Variants in GLRX2 observed in about 807,000 individuals in gnomAD.
GLRX2 encodes glutaredoxin 2, also known as bA101E13.1 (GRX2 glutaredoxin (thioltransferase) 2).
In GLRX2, 12 loss-of-function variants were observed where a neutral mutation model predicts 16.4. The ratio of observed to expected loss-of-function variants is 0.73; its 90% CI spans 0.47 to 1.19. The LOEUF is 1.19. Among genes scored for constraint, GLRX2 ranks in the 50% most tolerant of loss-of-function variants. GLRX2 has a pLI of 0.00. For missense variants in GLRX2, 201 were observed against 201.8 expected, an observed-to-expected ratio of 1.00 and a Z score of 0.02; for synonymous variants, 95 against 76.2, an observed-to-expected ratio of 1.25 and a Z score of -1.28.
At position 193,104,668 on chromosome 1, in the gene GLRX2, G is replaced by A. The variant is rs548496118; in HGVS notation, c.119+596C>T. ...CAGCCGCAGTTCCCTTCCACTGCAG[G>A]TCCCGAAGCCGCTGATATTCCAAAC... On this transcript the variant is annotated intron_variant, in intron 1 of 3. Transcript: ENST00000367439. Among the ~76,000 whole-genome samples, 3 of 152,338 alleles carry A rather than the reference G, an allele frequency of 2.0e-5. No individual in the cohort carries two copies. The South Asian group carries it at 6.2e-4, about 32-fold the overall frequency.
chr1:193,101,245 T>A, intron 1 of GLRX2, 41 bp from the exon 2 acceptor site: 1 of 1,212,486 alleles, frequency 8.2e-7, no homozygotes, highest in Non-Finnish European at 1.2e-6. Context: ...TATTAAGCAT[T>A]AAGGATAATT....
At chr1:193,097,800 T>C (rs1220469046) in intron 2 of GLRX2, 40 bp from the exon 3 acceptor site, 5 of 1,372,328 alleles carry the variant, frequency 3.6e-6, no homozygotes, top group East Asian at 2.4e-5. Flanking sequence ...ATTCTAGACA[T>C]TACCATTTGG....
intron 1 of GLRX2, among the ~76,000 whole-genome samples, chr1:193,103,473 TTC>T (rs1675119716): frequency 6.6e-6 from 1 of 152,206 alleles, no homozygotes; most frequent in East Asian, 1.9e-4. Context: ...AAAGTGATTG[TTC>T]TTTTATTATT....
rs1371574364 is a variant in GLRX2, at chr1:193,105,288, C to G, written c.95G>C (p.Gly32Ala). 2.0e-6 allele frequency: 3 copies of G among 1,528,780 alleles called. No individual in the cohort carries two copies. Among genetic ancestry groups the G allele is most frequent in the East Asian group, 2.5e-5 (1 of 39,380 alleles). The allele number at this position is 1,528,780 out of a possible 1,614,324, so 94.7% of individuals were successfully genotyped here. A position where few individuals can be genotyped will look rare whatever the true frequency, so the allele number is the denominator to read the frequency against. The change falls in exon 1 of 4, where the codon GGA becomes GCA. Residue 32 changes from glycine to alanine, a missense_variant. Transcript: ENST00000367439. ...GWLDRAAGAAGAAAAAASGME... is the reference protein window; with the variant it reads ...GWLDRAAGAAAAAAAAASGME... ...CCCAGAGGCCGCAGCTGCCGCAGCT[C>G]CCGCAGCTCCCGCCGCCCTGTCAAG...
chr1:193,100,448 T>C (rs1018445047), intron 2 of GLRX2, among the ~76,000 whole-genome samples: 11 of 152,192 alleles, frequency 7.2e-5, no homozygotes, highest in African/African-American at 2.7e-4. Context: ...CACTCTGGCC[T>C]GGGCAACAGA....
intron 1 of GLRX2, 71 bp downstream of exon 1, chr1:193,105,193 C>T: frequency 1.4e-6 from 2 of 1,470,590 alleles, no homozygotes; most frequent in Non-Finnish European, 1.8e-6. Flanking sequence ...GCACCTCCGC[C>T]CACCGCTTTC....
At chr1:193,104,944 T>C (rs964691311) in intron 1 of GLRX2, among the ~76,000 whole-genome samples, 9 of 152,258 alleles carry the variant, frequency 5.9e-5, no homozygotes, top group Non-Finnish European at 1.2e-4. Context: ...CTAAGAATCA[T>C]TCGCTCTTTC....
chr1:193,100,253 T>C (rs928626999), intron 2 of GLRX2, among the ~76,000 whole-genome samples: 2 of 152,168 alleles, frequency 1.3e-5, no homozygotes, highest in Admixed American at 6.5e-5. Context: ...GGCAGGTAGA[T>C]TGCTTGAAAT....
At chr1:193,106,111 C>T (rs1340226443), upstream of GLRX2, 2 of 825,376 alleles carry the variant, frequency 2.4e-6, no homozygotes, top group African/African-American at 1.9e-5. Flanking sequence ...GTAATAATAG[C>T]CTTTGTGCGT....
chr1:193,101,165 C>A lies in GLRX2; in HGVS notation c.159G>T (p.Ala53=), dbSNP rs776030642. 4.7e-5 allele frequency: 75 copies of A among 1,611,670 alleles called. No homozygotes were observed. Among genetic ancestry groups the A allele is most frequent in the Non-Finnish European group, 1.1e-5 (13 of 1,178,008 alleles). The change falls in exon 2 of 4, where the codon GCG becomes GCT. Residue 53 remains alanine (A), a synonymous_variant. Coordinates refer to ENST00000367439, the MANE Select transcript of GLRX2 (RefSeq NM_197962.3). ...CTTGGATCTGGTTCACAGGCGCCGTCGCTAAATTCTCCAAAGATGATGATG... is the reference window on the plus strand; with the variant it reads ...CTTGGATCTGGTTCACAGGCGCCGTAGCTAAATTCTCCAAAGATGATGATG... ...SNTSSSLENL[A]TAPVNQIQET... is the part of the protein sequence containing the mutation.
In GLRX2 at chr1:193,105,152, C is replaced by G. The variant is rs185343510; in HGVS notation, c.119+112G>C. On this transcript the variant is annotated intron_variant, in intron 1 of 3. Transcript: ENST00000367439. Reference sequence around the variant, plus strand: ...ATGACTCAGAGCCCACGCGCTAGTACGCCTCGCCCACCCGGCGCCGGGGCA... The same window carrying G: ...ATGACTCAGAGCCCACGCGCTAGTAGGCCTCGCCCACCCGGCGCCGGGGCA... 5.1e-5 allele frequency: 71 copies of G among 1,396,866 alleles called. No homozygotes were observed. In the East Asian group the frequency reaches 1.8e-3, roughly 35 times the overall value. The allele number at this position is 1,396,866 out of a possible 1,614,324, so 86.5% of individuals were successfully genotyped here. A position where few individuals can be genotyped will look rare whatever the true frequency, so the allele number is the denominator to read the frequency against.
chr1:193,097,195 A>G (rs1253242278), intron 3 of GLRX2, among the ~76,000 whole-genome samples: 1 of 152,270 alleles, frequency 6.6e-6, no homozygotes, highest in African/African-American at 2.4e-5. Context: ...CATATTATGG[A>G]AAAATCCAAA....
At chr1:193,104,430 A>G (rs545294732) in intron 1 of GLRX2, among the ~76,000 whole-genome samples, 1 of 152,344 alleles carries the variant, frequency 6.6e-6, no homozygotes, top group Non-Finnish European at 1.5e-5. Context: ...AAGAGCTGTC[A>G]AACACTTAAC....
rs1322222511 is a variant in GLRX2, at chr1:193,102,601, C to A, written c.120-1397G>T. Among the ~76,000 whole-genome samples the A allele has an allele frequency of 9.2e-5, 14 of 152,280 alleles. No individual in the cohort carries two copies. The South Asian group carries it at 1.7e-3, about 18-fold the overall frequency. ...CTCCTGACCTCATATGATCAACCTA[C>A]CTCGGCCTCCCAAAGTGCTGGGATT... On this transcript the variant is annotated intron_variant, in intron 1 of 3. Coordinates refer to ENST00000367439, the MANE Select transcript of GLRX2 (RefSeq NM_197962.3).
chr1:193,101,206 T>TA lies in GLRX2; in HGVS notation c.120-3dup. On this transcript the variant is annotated splice_region_variant and splice_polypyrimidine_tract_variant and intron_variant, in intron 1 of 3. Coordinates refer to ENST00000367439, the MANE Select transcript of GLRX2 (RefSeq NM_197962.3). ...GATGATGATGTATTGCTCTCCATCC[T>TA]AAAAGGAATTTAAGAGAACAATGTA... 1 of 1,585,808 alleles carries TA rather than the reference T, an allele frequency of 6.3e-7. No homozygotes were observed. The highest frequency in any genetic ancestry group is 2.2e-5 in the East Asian group (1 of 44,748).
chr1:193,105,205 C>G, intron 1 of GLRX2, 59 bp downstream of exon 1: 1 of 1,506,210 alleles, frequency 6.6e-7, no homozygotes, highest in East Asian at 2.6e-5. Context: ...ACCGCTTTCT[C>G]CAGACCCCCG....
Position 193,096,600 on chromosome 1 carries a change from A to G in GLRX2, c.*25T>C. The G allele has an allele frequency of 7.0e-7, 1 of 1,419,932 alleles. No individual in the cohort carries two copies. The highest frequency in any genetic ancestry group is 9.8e-7 in the Non-Finnish European group (1 of 1,015,606). 88.0% of individuals were successfully genotyped at this position (1,419,932 alleles called of 1,614,324 possible). On this transcript the variant is annotated 3_prime_UTR_variant, in exon 4 of 4. Transcript: ENST00000367439. ...TACCACTTTAAATAACTGACACTGTACTAGCAAACTTATTAGTATAAACAT... is the reference window on the plus strand; with the variant it reads ...TACCACTTTAAATAACTGACACTGTGCTAGCAAACTTATTAGTATAAACAT...
At chr1:193,099,650 T>C (rs1489207395) in intron 2 of GLRX2, among the ~76,000 whole-genome samples, 1 of 152,116 alleles carries the variant, frequency 6.6e-6, no homozygotes, top group Non-Finnish European at 1.5e-5. Context: ...TGTTCTTTTG[T>C]GGTGGATCAT....
At chr1:193,096,813 T>C (rs548168934) in intron 3 of GLRX2, 54 bp from the exon 4 acceptor site, 879 of 1,346,988 alleles carry the variant, frequency 6.5e-4, no homozygotes, top group Non-Finnish European at 8.4e-4. Context: ...AGAACTAAGA[T>C]CATTTCACAT....
Sources: allele counts gnomAD v4.1 joint callset (sites outside exome capture counted in the v4.1 genomes callset), GRCh38; gene constraint gnomAD v4.1.1; transcripts MANE v1.5; gene names NCBI Gene and HGNC (gene_info 2026-07-23, HGNC 2026-07-21).